Variants in SNX24 observed in about 807,000 individuals in gnomAD.
SNX24 encodes the protein sorting nexin-24.
Under a neutral mutation model 28.7 loss-of-function variants are expected in SNX24, and 22 were observed. The ratio of observed to expected loss-of-function variants is 0.77; its 90% CI spans 0.55 to 1.10. The LOEUF (loss-of-function observed/expected upper bound fraction) is 1.10, where lower values mean the gene tolerates loss of function less well. Ranked by LOEUF, SNX24 falls within the 50% of genes least tolerant of loss-of-function variation. The pLI is 0.00. For missense variants in SNX24, 221 were observed against 201.1 expected (o/e 1.10, Z -0.60); for synonymous variants, 69 against 71.5 (o/e 0.96, Z 0.18).
chr5:122,865,175 C>T (rs1241628203), intron 1 of SNX24, among the ~76,000 whole-genome samples: 1 of 152,238 alleles, frequency 6.6e-6, no homozygotes. Context: ...AATATCTGGG[C>T]ACCCTGTGGC....
exon 6 of SNX24, chr5:123,029,245 C>T: frequency 6.2e-7 from 1 of 1,613,490 alleles, no homozygotes; most frequent in East Asian, 2.2e-5. Context: ...CAGATGACAT[C>T]TTTATATTTG....
intron 1 of SNX24, among the ~76,000 whole-genome samples, chr5:122,904,129 TGATA>T (rs1757549146): frequency 6.6e-6 from 1 of 152,130 alleles, no homozygotes; most frequent in African/African-American, 2.4e-5. Context: ...AGCTTGAGAA[TGATA>T]GATTGTTGAA....
chr5:122,947,198 A>G (rs1219172728), intron 3 of SNX24, among the ~76,000 whole-genome samples: 1 of 152,100 alleles, frequency 6.6e-6, no homozygotes, highest in African/African-American at 2.4e-5. Flanking sequence ...TGATATCTTC[A>G]TGGCCCTTTA....
At chr5:122,914,392 A>G (rs1240869976) in intron 1 of SNX24, among the ~76,000 whole-genome samples, 3 of 152,190 alleles carry the variant, frequency 2.0e-5, no homozygotes, top group Non-Finnish European at 2.9e-5. Context: ...CTTTGGTATC[A>G]GGATGATGCT....
chr5:122,889,683 A>G (rs985758363), intron 1 of SNX24, among the ~76,000 whole-genome samples: 2 of 143,922 alleles, frequency 1.4e-5, no homozygotes, highest in African/African-American at 2.6e-5. Context: ...ATGTGTATAT[A>G]TATGTATATG....
At chr5:122,888,326 A>G (rs1445541309) in intron 1 of SNX24, among the ~76,000 whole-genome samples, 1 of 152,148 alleles carries the variant, frequency 6.6e-6, no homozygotes, top group Non-Finnish European at 1.5e-5. Flanking sequence ...GGGAGAGAGT[A>G]TAGCACAGTT....
At chr5:122,959,090 G>A (rs1306204926) in intron 3 of SNX24, among the ~76,000 whole-genome samples, 2 of 152,080 alleles carry the variant, frequency 1.3e-5, no homozygotes, top group Non-Finnish European at 2.9e-5. Flanking sequence ...TTAAATATTT[G>A]ATAGAATTTA....
chr5:122,894,358 A>G (rs1757111358), intron 1 of SNX24, among the ~76,000 whole-genome samples: 1 of 152,040 alleles, frequency 6.6e-6, no homozygotes, highest in African/African-American at 2.4e-5. Context: ...CTCTTGTTAT[A>G]TATGTCCCTT....
chr5:122,985,358 G>C (rs2150159909), intron 3 of SNX24, among the ~76,000 whole-genome samples: 1 of 152,262 alleles, frequency 6.6e-6, no homozygotes, highest in East Asian at 1.9e-4. Context: ...TTCAGGGAGA[G>C]TTCAAGACCT....
At chr5:122,890,189 C>G (rs1023242546) in intron 1 of SNX24, among the ~76,000 whole-genome samples, 2 of 152,150 alleles carry the variant, frequency 1.3e-5, no homozygotes, top group Non-Finnish European at 2.9e-5. Flanking sequence ...CACATGGTAT[C>G]TGTCTGCCCC....
intron 1 of SNX24, among the ~76,000 whole-genome samples, chr5:122,902,705 A>G (rs1369218253): frequency 1.3e-5 from 2 of 152,186 alleles, no homozygotes; most frequent in Non-Finnish European, 2.9e-5. Flanking sequence ...TCTGCTATAC[A>G]GGGTCATCCT....
At chr5:122,943,394 G>A (rs897468182) in intron 2 of SNX24, among the ~76,000 whole-genome samples, 11 of 152,122 alleles carry the variant, frequency 7.2e-5, no homozygotes, top group African/African-American at 1.9e-4. Flanking sequence ...TGTACCCCAC[G>A]TTACTGACTT....
At position 123,001,920 on chromosome 5, in the gene SNX24, C is replaced by T. The variant is rs1444687789; in HGVS notation, c.378-20C>T. On this transcript the variant is annotated intron_variant, in intron 5 of 6. Coordinates refer to ENST00000261369, the MANE Select transcript of SNX24 (RefSeq NM_014035.4). ...ACCATCGTCCCCTGATGCTGACATGCCTGTTCTTGACCTTTCCAGCAAACT... is the reference window on the plus strand; with the variant it reads ...ACCATCGTCCCCTGATGCTGACATGTCTGTTCTTGACCTTTCCAGCAAACT... 3 of 1,610,740 alleles carry T rather than the reference C, an allele frequency of 1.9e-6. No homozygotes were observed. The highest frequency in any genetic ancestry group is 2.5e-6 in the Non-Finnish European group (3 of 1,177,016).
intron 3 of SNX24, among the ~76,000 whole-genome samples, chr5:122,976,079 C>A (rs1166416157): frequency 6.6e-6 from 1 of 152,074 alleles, no homozygotes; most frequent in South Asian, 2.1e-4. Context: ...GAAAGATTTA[C>A]AAAATGCTCC....
At chr5:123,006,763 C>T (rs1048612903) in intron 6 of SNX24, among the ~76,000 whole-genome samples, 1 of 152,220 alleles carries the variant, frequency 6.6e-6, no homozygotes, top group Non-Finnish European at 1.5e-5. Flanking sequence ...CTGGCTAGCT[C>T]CCTCTGCCTA....
chr5:123,018,700 C>A (rs1199122434), intron 5 of SNX24, among the ~76,000 whole-genome samples: 2 of 150,456 alleles, frequency 1.3e-5, no homozygotes, highest in Admixed American at 1.3e-4. Context: ...TTTTTTTTTT[C>A]CTTTGACACA....
intron 6 of SNX24, 143 bp downstream of exon 6, chr5:123,002,147 C>T (rs1361194128): frequency 8.9e-6 from 6 of 676,480 alleles, no homozygotes; most frequent in African/African-American, 1.8e-5. Context: ...TTGGTATAAG[C>T]GACACTTAGA....
intron 2 of SNX24, among the ~76,000 whole-genome samples, chr5:122,944,567 A>G (rs1372822524): frequency 6.6e-6 from 1 of 152,174 alleles, no homozygotes; most frequent in Admixed American, 6.5e-5. Flanking sequence ...ACATTAACAG[A>G]TACAACTTGG....
chr5:122,919,474 T>G (rs1369690348), intron 1 of SNX24, among the ~76,000 whole-genome samples: 1 of 152,136 alleles, frequency 6.6e-6, no homozygotes, highest in Non-Finnish European at 1.5e-5. Context: ...GGTCATATCT[T>G]GCAGTCAAAA....
Sources: gnomAD v4.1 joint callset for allele counts (sites outside exome capture counted in the v4.1 genomes callset) on GRCh38, gnomAD v4.1.1 for gene constraint, MANE v1.5 for transcripts, NCBI Gene and HGNC (gene_info 2026-07-23, HGNC 2026-07-21) for gene names.